ABCC8: variants seen among roughly 807,000 people sequenced by gnomAD.
ABCC8 encodes the protein ATP binding cassette subfamily C member 8, also known as ATP-binding cassette sub-family C member 8.
In ABCC8, 137 loss-of-function variants were observed where a neutral mutation model predicts 188.0. The ratio of observed to expected loss-of-function variants is 0.73; its 90% CI spans 0.63 to 0.84. The LOEUF (loss-of-function observed/expected upper bound fraction) is 0.84, where lower values mean the gene tolerates loss of function less well. ABCC8 is among the 40% of genes least tolerant of loss of function. The probability of loss-of-function intolerance (pLI) is 0.00; values close to 1 mark genes in which losing one functional copy is unlikely to be tolerated. For synonymous variants in ABCC8, 797 were observed against 846.5 expected (o/e 0.94, Z 1.01); for missense variants, 1,750 against 2,072.7 (o/e 0.84, Z 3.02).
At chr11:17,414,360 G>A in intron 19 of ABCC8, 152 bp downstream of exon 19, 1 of 1,121,056 alleles carries the variant, frequency 8.9e-7, no homozygotes, top group Non-Finnish European at 1.3e-6. Flanking sequence ...CCCTCTCCAG[G>A]TGCACCATAT....
intron 20 of ABCC8, chr11:17,413,064 C>G (rs1276590313): frequency 1.6e-5 from 10 of 607,422 alleles, no homozygotes; most frequent in South Asian, 4.0e-5. Context: ...TTCGTCTAAG[C>G]TTGTGGAGGG....
intron 19 of ABCC8, 135 bp from the exon 20 acceptor site, chr11:17,413,613 G>T: frequency 1.9e-6 from 3 of 1,559,766 alleles, no homozygotes; most frequent in Non-Finnish European, 8.7e-7. Context: ...CCGCTTGGGT[G>T]CAAGCAAACA....
At chr11:17,449,008 C>T (rs1259759962) in intron 7 of ABCC8, among the ~76,000 whole-genome samples, 2 of 152,192 alleles carry the variant, frequency 1.3e-5, no homozygotes, top group African/African-American at 4.8e-5. Context: ...CTCACTGCAG[C>T]CTCCACCTTC....
intron 29 of ABCC8, 131 bp downstream of exon 29, chr11:17,402,530 A>C: frequency 6.4e-7 from 1 of 1,563,634 alleles, no homozygotes; most frequent in Non-Finnish European, 8.6e-7. Context: ...GGGCCTTGGG[A>C]CCTGAGGCAG....
intron 3 of ABCC8, among the ~76,000 whole-genome samples, chr11:17,466,830 T>A (rs1455002057): frequency 2.0e-5 from 3 of 152,040 alleles, no homozygotes; most frequent in African/African-American, 7.2e-5. Flanking sequence ...CACGCCCAGC[T>A]AATTTTTATG....
At chr11:17,394,186 C>T in intron 37 of ABCC8, 80 bp downstream of exon 37, 1 of 1,548,392 alleles carries the variant, frequency 6.5e-7, no homozygotes, top group Non-Finnish European at 8.9e-7. Context: ...AGCCTCAGGA[C>T]TACTTCGTGC....
At position 17,404,170 on chromosome 11, in the gene ABCC8, T is replaced by G. The variant is rs1954387408; in HGVS notation, c.3557+342A>C. Among the ~76,000 whole-genome samples the G allele has an allele frequency of 6.6e-6, 1 of 152,148 alleles. No homozygotes were observed. Among genetic ancestry groups the G allele is most frequent in the East Asian group, 1.9e-4 (1 of 5,194 alleles). Reference sequence around the variant, plus strand: ...GCCCGCCGATTTCATGCATCAGCAATCAGCCTGACCACTAGAATGATGCAA... The same window carrying G: ...GCCCGCCGATTTCATGCATCAGCAAGCAGCCTGACCACTAGAATGATGCAA... On this transcript the variant is annotated intron_variant, in intron 28 of 38. Transcript: ENST00000389817. The surrounding 1 kb of genome is among the most constrained non-coding windows in gnomAD (Gnocchi z 4.7).
intron 2 of ABCC8, among the ~76,000 whole-genome samples, chr11:17,470,730 C>T (rs956736066): frequency 1.3e-5 from 2 of 152,204 alleles, no homozygotes; most frequent in African/African-American, 4.8e-5. Flanking sequence ...GAAACTGAGG[C>T]ACGAAGAGGC....
chr11:17,448,284 T>C (rs1956617474), intron 8 of ABCC8: 2 of 544,754 alleles, frequency 3.7e-6, no homozygotes, highest in East Asian at 6.4e-5. Context: ...TGGCTCCATT[T>C]TTAAAGTCTT....
At chr11:17,401,296 C>T (rs540604697) in intron 29 of ABCC8, among the ~76,000 whole-genome samples, 2 of 152,362 alleles carry the variant, frequency 1.3e-5, no homozygotes, top group Admixed American at 6.5e-5. Context: ...AGTCATAATC[C>T]AGTCCCCAGC....
At chr11:17,450,324 T>TTCTTTCTTTCTCTC (rs1247575910) in intron 7 of ABCC8, among the ~76,000 whole-genome samples, 1 of 75,710 alleles carries the variant, frequency 1.3e-5, no homozygotes, top group Admixed American at 1.4e-4. Flanking sequence ...CTTTCTTTCT[T>TTCTTTCTTTCTCTC]TCTCTCTCTC....
Position 17,409,708 on chromosome 11 carries a change from G to A in ABCC8, c.2694+808C>T, listed in dbSNP as rs529186298. On this transcript the variant is annotated intron_variant, in intron 22 of 38. Transcript: ENST00000389817. ...TGTTGTTTAGAGGAGAATTTATATA[G>A]GAGTAGGCAAGACCTAGAGTTCAAA... Among the ~76,000 whole-genome samples the A allele has an allele frequency of 6.6e-5, 10 of 152,214 alleles. No homozygotes were observed. In the South Asian group the frequency reaches 2.1e-3, roughly 32 times the overall value.
intron 6 of ABCC8, 102 bp from the exon 7 acceptor site, chr11:17,453,385 A>G: frequency 6.6e-7 from 1 of 1,512,610 alleles, no homozygotes; most frequent in Non-Finnish European, 9.0e-7. Flanking sequence ...CATTATTACA[A>G]GACCCTCTGG....
At chr11:17,431,980 A>G (rs759956388) in intron 11 of ABCC8, among the ~76,000 whole-genome samples, 2 of 152,224 alleles carry the variant, frequency 1.3e-5, no homozygotes, top group Non-Finnish European at 2.9e-5. Context: ...AATTTCTCTA[A>G]ATACTAAGCC....
chr11:17,397,578 A>G, intron 31 of ABCC8, 106 bp downstream of exon 31: 2 of 1,479,396 alleles, frequency 1.4e-6, no homozygotes, highest in Non-Finnish European at 1.8e-6. Flanking sequence ...TCAGATGCAA[A>G]TGAAATTGGG....
chr11:17,472,507 G>T (rs955955807), intron 2 of ABCC8, among the ~76,000 whole-genome samples: 1 of 152,216 alleles, frequency 6.6e-6, no homozygotes, highest in East Asian at 1.9e-4. Context: ...CCTCCCACCT[G>T]CCCCCTAAAT....
intron 8 of ABCC8, among the ~76,000 whole-genome samples, chr11:17,445,890 C>T (rs58661240): frequency 0.013 from 2,048 of 151,774 alleles, 44 homozygotes; most frequent in African/African-American, 0.047. Context: ...CTATTAGCAA[C>T]GATGCATGTG....
At chr11:17,397,350 C>A (rs546121239) in intron 31 of ABCC8, 37 bp from the exon 32 acceptor site, 1 of 1,604,556 alleles carries the variant, frequency 6.2e-7, no homozygotes, top group South Asian at 1.1e-5. Context: ...ACTCCATGGT[C>A]GCTTAGTTCT....
chr11:17,461,466 A>G (rs1349736471), intron 5 of ABCC8, 117 bp downstream of exon 5: 5 of 1,355,234 alleles, frequency 3.7e-6, no homozygotes, highest in Admixed American at 1.7e-5. Context: ...TCCCCTCACC[A>G]GCCTCAGTTT....
Sources: gnomAD v4.1 joint callset for allele counts (sites outside exome capture counted in the v4.1 genomes callset) on GRCh38, gnomAD v4.1.1 for gene constraint, Gnocchi (gnomAD v3.1) non-coding constraint, MANE v1.5 for transcripts, NCBI Gene and HGNC (gene_info 2026-07-23, HGNC 2026-07-21) for gene names.